The following PRDM16 variants were observed in gnomAD, a reference collection of about 807,000 sequenced individuals.
PRDM16 encodes PR/SET domain 16, also known as histone-lysine N-methyltransferase PRDM16.
Under a neutral mutation model 110.6 loss-of-function variants are expected in PRDM16, and 23 were observed. The ratio of observed to expected loss-of-function variants is 0.21; its 90% confidence interval spans 0.15 to 0.29. The LOEUF (loss-of-function observed/expected upper bound fraction) is 0.29, where lower values mean the gene tolerates loss of function less well. PRDM16 is among the 10% of genes least tolerant of loss of function. The pLI, the probability that PRDM16 is intolerant of heterozygous loss-of-function variation, is 1.00. For synonymous variants in PRDM16, 799 were observed against 781.8 expected, an observed-to-expected ratio of 1.02 and a Z score of -0.37; for missense variants, 1,615 against 1,794.3, an observed-to-expected ratio of 0.90 and a Z score of 1.81.
chr1:3,073,475 G>A (rs995438409), intron 1 of PRDM16, among the ~76,000 whole-genome samples: 2 of 152,340 alleles, frequency 1.3e-5, no homozygotes, highest in South Asian at 2.1e-4. Flanking sequence ...CCCGTGTAAC[G>A]AGTCTTGGAA....
chr1:3,396,260 C>T, intron 4 of PRDM16: 1 of 588,150 alleles, frequency 1.7e-6, no homozygotes, highest in Non-Finnish European at 3.2e-6. Context: ...GTTTAGTCGG[C>T]CACCCCCTTT....
intron 1 of PRDM16, among the ~76,000 whole-genome samples, chr1:3,095,956 C>T (rs1310449014): frequency 5.9e-5 from 9 of 152,070 alleles, no homozygotes; most frequent in Non-Finnish European, 1.2e-4. Context: ...TGGAACGTCA[C>T]ACTCCCTCCC....
intron 3 of PRDM16, among the ~76,000 whole-genome samples, chr1:3,296,271 G>A (rs1055410063): frequency 2.0e-5 from 3 of 152,212 alleles, no homozygotes; most frequent in Admixed American, 6.5e-5. Context: ...GTTCCCATCT[G>A]CAGGGACCCA....
chr1:3,283,766 A>T (rs961869847), intron 3 of PRDM16, among the ~76,000 whole-genome samples: 1 of 152,160 alleles, frequency 6.6e-6, no homozygotes, highest in Non-Finnish European at 1.5e-5. Context: ...AGGTCAAAGG[A>T]AGAGTATATT....
Position 3,246,517 on chromosome 1 carries a change from G to C in PRDM16, c.438+2380G>C, listed in dbSNP as rs998575848. Among the ~76,000 whole-genome samples the C allele has an allele frequency of 6.6e-6, 1 of 152,178 alleles. No homozygotes were observed. The highest frequency in any genetic ancestry group is 1.5e-5 in the Non-Finnish European group (1 of 68,026). On this transcript the variant is annotated intron_variant, in intron 3 of 16. Transcript: ENST00000270722. This position sits in a 1 kb window ranked among gnomAD's most constrained non-coding sequence, Gnocchi z 5.2. ...GCGGTCCTGTCCAAGCAGGCCTCCT[G>C]ACCCCAGCCCAGGGCTCCTCCCTGC...
intron 3 of PRDM16, among the ~76,000 whole-genome samples, chr1:3,314,013 C>T (rs549328214): frequency 6.8e-6 from 1 of 146,602 alleles, no homozygotes; most frequent in African/African-American, 2.6e-5. Flanking sequence ...CAGTGTCAGA[C>T]CCCAAGGAAT....
At chr1:3,147,006 T>C (rs1251032274) in intron 1 of PRDM16, among the ~76,000 whole-genome samples, 1 of 60,586 alleles carries the variant, frequency 1.7e-5, no homozygotes, top group South Asian at 6.2e-4. Flanking sequence ...GTGCTTGGTG[T>C]GGGGGGTATG....
At chr1:3,408,935 C>T (rs1457828843) in intron 8 of PRDM16, among the ~76,000 whole-genome samples, 6 of 122,514 alleles carry the variant, frequency 4.9e-5, no homozygotes, top group Admixed American at 1.7e-4. Context: ...TGTGTTGGCA[C>T]GCATGAGAGT....
At chr1:3,410,968 G>A (rs1335613872) in intron 8 of PRDM16, among the ~76,000 whole-genome samples, 1 of 152,202 alleles carries the variant, frequency 6.6e-6, no homozygotes, top group Non-Finnish European at 1.5e-5. Flanking sequence ...AGCAAAGAAG[G>A]TGGCGGCACA....
chr1:3,430,371 T>C (rs1337074963), intron 14 of PRDM16, among the ~76,000 whole-genome samples: 2 of 152,170 alleles, frequency 1.3e-5, no homozygotes, highest in African/African-American at 4.8e-5. Context: ...TTCAGACTGC[T>C]CACAGCAGGC....
intron 4 of PRDM16, among the ~76,000 whole-genome samples, chr1:3,389,762 T>A (rs1051706346): frequency 6.6e-6 from 1 of 152,158 alleles, no homozygotes; most frequent in Non-Finnish European, 1.5e-5. Flanking sequence ...GAGCAAAACA[T>A]CCCTGCACAC....
chr1:3,297,783 G>A (rs1195834811), intron 3 of PRDM16, among the ~76,000 whole-genome samples: 5 of 152,182 alleles, frequency 3.3e-5, no homozygotes, highest in African/African-American at 4.8e-5. Flanking sequence ...AGGGCTGCCC[G>A]ATGGCAGGAA....
At chr1:3,366,514 G>A (rs1390479825) in intron 3 of PRDM16, among the ~76,000 whole-genome samples, 1 of 152,210 alleles carries the variant, frequency 6.6e-6, no homozygotes, top group Non-Finnish European at 1.5e-5. Flanking sequence ...TGCTCCGGGG[G>A]CCAGTGTGGC....
rs114233665 is a variant in PRDM16 at position 3,171,934 on chromosome 1, C to T, written c.38-14191C>T. 3.4e-3 allele frequency among the ~76,000 whole-genome samples: 510 copies of T among 152,184 alleles called. 2 individuals carry two copies. The highest frequency in any genetic ancestry group is 0.012 in the African/African-American group (480 of 41,526). On this transcript the variant is annotated intron_variant, in intron 1 of 16. Coordinates refer to ENST00000270722, the MANE Select transcript of PRDM16 (RefSeq NM_022114.4). ...AGCCGAGCTCCAGGTGCAAGCCCCCCGGCCTCCGCGCCACCGGGGGAGCTG... is the reference window on the plus strand; with the variant it reads ...AGCCGAGCTCCAGGTGCAAGCCCCCTGGCCTCCGCGCCACCGGGGGAGCTG...
At chr1:3,270,027 G>A (rs1433159324) in intron 3 of PRDM16, among the ~76,000 whole-genome samples, 1 of 149,946 alleles carries the variant, frequency 6.7e-6, no homozygotes, top group African/African-American at 2.5e-5. Context: ...CAGTCAGGGA[G>A]GACTGTCCTG....
rs41315264 is a variant in PRDM16 at position 3,404,603 on chromosome 1, C to A, written c.885-136C>A. 24,982 of 1,074,300 alleles carry A rather than the reference C, an allele frequency of 0.023. 647 individuals carry two copies. The highest frequency in any genetic ancestry group is 0.12 in the African/African-American group (7,594 of 62,172). The allele number at this position is 1,074,300 out of a possible 1,614,324, so 66.5% of individuals were successfully genotyped here. ...CAGAGAGGAGGTGGGCAGGGAGACA[C>A]CAGCATGTGCTCTGATCCCTCGGCA... On this transcript the variant is annotated intron_variant, in intron 6 of 16. Transcript: ENST00000270722.
At position 3,390,699 on chromosome 1, in the gene PRDM16, G is replaced by T. The variant is rs1643283553; in HGVS notation, c.573+5413G>T. The stretch of plus-strand genomic sequence containing the variant: ...CTTTGCTGTCCTGGGCTCTGACCCG[G>T]GTCCCGCGTTTCTGTCTGGGCGTGT... On this transcript the variant is annotated intron_variant, in intron 4 of 16. Transcript: ENST00000270722. This position sits in a 1 kb window ranked among gnomAD's most constrained non-coding sequence, Gnocchi z 5.0. Among the ~76,000 whole-genome samples, 1 of 152,188 alleles carries T rather than the reference G, an allele frequency of 6.6e-6. No homozygotes were observed. Among genetic ancestry groups the T allele is most frequent in the Non-Finnish European group, 1.5e-5 (1 of 68,034 alleles).
In PRDM16 at chr1:3,243,740, A is replaced by G. The variant is rs1291400172; in HGVS notation, c.388-347A>G. Among the ~76,000 whole-genome samples the G allele has an allele frequency of 6.6e-6, 1 of 152,256 alleles. No individual in the cohort carries two copies. Among genetic ancestry groups the G allele is most frequent in the South Asian group, 2.1e-4 (1 of 4,834 alleles). ...CATGCGCTCCTCCCAGATGGTTCTCATAAATAATATGAATGGCTCACCTTG... is the reference window on the plus strand; with the variant it reads ...CATGCGCTCCTCCCAGATGGTTCTCGTAAATAATATGAATGGCTCACCTTG... On this transcript the variant is annotated intron_variant, in intron 2 of 16. Coordinates refer to ENST00000270722, the MANE Select transcript of PRDM16 (RefSeq NM_022114.4). The surrounding 1 kb of genome is among the most constrained non-coding windows in gnomAD (Gnocchi z 5.5).
At chr1:3,178,850 G>A (rs1644119622) in intron 1 of PRDM16, among the ~76,000 whole-genome samples, 1 of 152,164 alleles carries the variant, frequency 6.6e-6, no homozygotes, top group Non-Finnish European at 1.5e-5. Flanking sequence ...AGTCCTCAGG[G>A]GATGCAGGGG....
Sources: allele counts gnomAD v4.1 joint callset (sites outside exome capture counted in the v4.1 genomes callset), GRCh38; gene constraint gnomAD v4.1.1; non-coding constraint Gnocchi (gnomAD v3.1); transcripts MANE v1.5; gene names NCBI Gene and HGNC (gene_info 2026-07-23, HGNC 2026-07-21).